Variants in SEPTIN7 observed in about 807,000 individuals in gnomAD.
SEPTIN7 encodes septin-7.
SEPTIN7 carries 10 observed loss-of-function variants against 63.3 expected under a neutral mutation model. That is an observed-to-expected ratio of 0.16 (90% confidence interval 0.10 to 0.27). The LOEUF is 0.27. Among genes scored for constraint, SEPTIN7 ranks in the 10% least tolerant of loss-of-function variants. SEPTIN7 has a pLI of 1.00. For synonymous variants in SEPTIN7, 131 were observed against 165.3 expected, an observed-to-expected ratio of 0.79 and a Z score of 1.59; for missense variants, 310 against 521.0, an observed-to-expected ratio of 0.59 and a Z score of 3.94.
chr7:35,821,910 C>G (rs1789432099), intron 1 of SEPTIN7, among the ~76,000 whole-genome samples: 1 of 152,154 alleles, frequency 6.6e-6, no homozygotes, highest in Non-Finnish European at 1.5e-5. Context: ...TCCTGAGTAG[C>G]TGCGATTACA....
At chr7:35,812,894 C>T (rs1028495629) in intron 1 of SEPTIN7, among the ~76,000 whole-genome samples, 4 of 152,138 alleles carry the variant, frequency 2.6e-5, no homozygotes, top group African/African-American at 9.7e-5. Flanking sequence ...TGGGCTCTAT[C>T]GGCAAGATTC....
At chr7:35,805,979 GC>G (rs1788311551) in intron 1 of SEPTIN7, among the ~76,000 whole-genome samples, 1 of 152,170 alleles carries the variant, frequency 6.6e-6, no homozygotes, top group African/African-American at 2.4e-5. Flanking sequence ...GGAGGGGAGG[GC>G]TGTCTTGAGC....
intron 1 of SEPTIN7, among the ~76,000 whole-genome samples, chr7:35,808,132 T>C (rs1295624456): frequency 2.6e-5 from 4 of 152,100 alleles, no homozygotes; most frequent in Non-Finnish European, 5.9e-5. Flanking sequence ...TTTTTTGTTG[T>C]TGTTTTTTTT....
intron 1 of SEPTIN7, among the ~76,000 whole-genome samples, chr7:35,817,944 C>T (rs1471804005): frequency 2.6e-5 from 4 of 151,612 alleles, no homozygotes; most frequent in East Asian, 1.9e-4. Context: ...ATATCGCCTG[C>T]AAATACTACT....
chr7:35,880,196 CTCTTTTCTTT>C (rs1276925116), intron 7 of SEPTIN7, among the ~76,000 whole-genome samples: 2 of 79,616 alleles, frequency 2.5e-5, no homozygotes, highest in East Asian at 7.9e-4. Flanking sequence ...TTTTTCTTTT[CTCTTTTCTTT>C]TCTTTTTTTT....
chr7:35,901,204 T>A (rs548557975), intron 12 of SEPTIN7: 8 of 152,282 alleles, frequency 5.3e-5, no homozygotes, highest in African/African-American at 1.9e-4. Context: ...CCCTACAAGG[T>A]AGATATTATT....
intron 1 of SEPTIN7, among the ~76,000 whole-genome samples, chr7:35,816,279 G>A (rs765996257): frequency 1.3e-4 from 20 of 151,940 alleles, no homozygotes; most frequent in South Asian, 6.2e-4. Flanking sequence ...TTTACTTTCC[G>A]TTTCTATGGA....
intron 1 of SEPTIN7, among the ~76,000 whole-genome samples, chr7:35,816,895 A>G (rs1230773778): frequency 6.6e-6 from 1 of 152,070 alleles, no homozygotes; most frequent in African/African-American, 2.4e-5. Context: ...TGCTTTGCTG[A>G]GTTTTTAATG....
At chr7:35,815,563 T>C (rs1366506290) in intron 1 of SEPTIN7, among the ~76,000 whole-genome samples, 1 of 152,208 alleles carries the variant, frequency 6.6e-6, no homozygotes, top group African/African-American at 2.4e-5. Flanking sequence ...ATTGTACACA[T>C]AGATGTAACT....
intron 1 of SEPTIN7, among the ~76,000 whole-genome samples, chr7:35,819,122 A>G (rs1314981416): frequency 7.2e-5 from 11 of 152,104 alleles, no homozygotes; most frequent in Non-Finnish European, 1.5e-5. Flanking sequence ...ATTTAGCTGC[A>G]TTCAATACAT....
At position 35,839,325 on chromosome 7, in the gene SEPTIN7, ATGTTTCCAGC is replaced by A. The variant is rs796760109; in HGVS notation, c.169+6429_169+6438del. ...CATATTTTACTTTGACCACTGTGTA[ATGTTTCCAGC>A]TGTGGCTATCTGATATTTTACCATT... is the stretch of plus-strand genomic sequence containing the variant. On this transcript the variant is annotated intron_variant, in intron 3 of 13. Coordinates refer to ENST00000350320, the MANE Select transcript of SEPTIN7 (RefSeq NM_001788.6). Among the ~76,000 whole-genome samples, 388 of 152,312 alleles carry A rather than the reference ATGTTTCCAGC, an allele frequency of 2.5e-3. 2 individuals carry two copies. Among genetic ancestry groups the A allele is most frequent in the African/African-American group, 8.9e-3 (371 of 41,566 alleles).
At chr7:35,880,186 T>C in intron 7 of SEPTIN7, among the ~76,000 whole-genome samples, 1 of 150,668 alleles carries the variant, frequency 6.6e-6, no homozygotes, top group East Asian at 1.9e-4. Flanking sequence ...ATTATTTTCT[T>C]TTTTCTTTTC....
At chr7:35,890,613 C>A in intron 10 of SEPTIN7, 55 bp from the exon 11 acceptor site, 2 of 1,341,466 alleles carry the variant, frequency 1.5e-6, no homozygotes, top group Non-Finnish European at 9.6e-7. Context: ...ACTTTTTAAG[C>A]TTTTTTCCCC....
intron 4 of SEPTIN7, among the ~76,000 whole-genome samples, chr7:35,863,900 A>G (rs1785656706): frequency 6.7e-6 from 1 of 149,370 alleles, no homozygotes; most frequent in Admixed American, 6.7e-5. Flanking sequence ...ACTGTGACAT[A>G]GTAACCAATT....
intron 11 of SEPTIN7, among the ~76,000 whole-genome samples, chr7:35,897,207 A>G (rs1034046729): frequency 2.0e-5 from 3 of 152,212 alleles, no homozygotes; most frequent in Non-Finnish European, 4.4e-5. Context: ...ACCTCAATCA[A>G]TGGTCAAAGC....
intron 3 of SEPTIN7, among the ~76,000 whole-genome samples, chr7:35,852,269 A>G (rs974523880): frequency 2.0e-5 from 3 of 152,198 alleles, no homozygotes; most frequent in Non-Finnish European, 4.4e-5. Context: ...GGTTTGCCCA[A>G]GGTCACAAGA....
intron 3 of SEPTIN7, among the ~76,000 whole-genome samples, chr7:35,838,252 C>G (rs540742728): frequency 8.0e-5 from 1 of 12,554 alleles, no homozygotes; most frequent in East Asian, 2.9e-3. Context: ...TTCCTTCCTT[C>G]CTTCCTTCCT....
chr7:35,870,178 T>C (rs13311075), intron 4 of SEPTIN7, among the ~76,000 whole-genome samples: 1 of 152,216 alleles, frequency 6.6e-6, no homozygotes, highest in African/African-American at 2.4e-5. Flanking sequence ...CACAGAATTT[T>C]GTAGGCCAGA....
intron 3 of SEPTIN7, among the ~76,000 whole-genome samples, chr7:35,863,173 T>G (rs1785605546): frequency 6.6e-6 from 1 of 152,174 alleles, no homozygotes; most frequent in African/African-American, 2.4e-5. Context: ...TTTTGATCAT[T>G]CATTATTGTC....
Sources: gnomAD v4.1 joint callset for allele counts (sites outside exome capture counted in the v4.1 genomes callset) on GRCh38, gnomAD v4.1.1 for gene constraint, MANE v1.5 for transcripts, NCBI Gene and HGNC (gene_info 2026-07-23, HGNC 2026-07-21) for gene names.